The following MDH1B variants were observed in gnomAD, a reference collection of about 807,000 sequenced individuals.
MDH1B encodes the protein putative malate dehydrogenase 1B.
In MDH1B, 60 loss-of-function variants were observed where a neutral mutation model predicts 61.4. The observed-to-expected ratio is 0.98, with a 90% confidence interval of 0.79 to 1.21. The LOEUF (loss-of-function observed/expected upper bound fraction) is 1.21. Among genes scored for constraint, MDH1B ranks in the 50% most tolerant of loss-of-function variants. MDH1B has a pLI of 0.00. For synonymous variants in MDH1B, 236 were observed against 218.7 expected, an observed-to-expected ratio of 1.08 and a Z score of -0.70; for missense variants, 587 against 632.1, an observed-to-expected ratio of 0.93 and a Z score of 0.76.
chr2:206,745,475 A>T (rs1376561087), intron 9 of MDH1B, 147 bp downstream of exon 9: 3 of 681,454 alleles, frequency 4.4e-6, no homozygotes, highest in Non-Finnish European at 2.6e-6. Flanking sequence ...CAAAGGACAC[A>T]TTGAACTTAA....
chr2:206,758,537 G>C (rs551968840), intron 2 of MDH1B, among the ~76,000 whole-genome samples: 3 of 152,150 alleles, frequency 2.0e-5, no homozygotes, highest in Admixed American at 1.3e-4. Context: ...AGGCCGAGGC[G>C]GGGGGAACAT....
At chr2:206,741,152 C>G (rs1265745435) in intron 9 of MDH1B, 48 bp from the exon 10 acceptor site, 1 of 1,609,106 alleles carries the variant, frequency 6.2e-7, no homozygotes, top group Admixed American at 1.7e-5. Context: ...ATATAACCAA[C>G]AACCTAACTA....
chr2:206,759,376 G>C (rs1688962006), intron 2 of MDH1B, among the ~76,000 whole-genome samples: 1 of 152,104 alleles, frequency 6.6e-6, no homozygotes, highest in African/African-American at 2.4e-5. Context: ...TCTTTCTCCA[G>C]TCTATCATTG....
intron 7 of MDH1B, 81 bp from the exon 8 acceptor site, chr2:206,746,507 G>T: frequency 7.2e-7 from 1 of 1,380,932 alleles, no homozygotes; most frequent in South Asian, 1.5e-5. Context: ...TGTAGAAAAT[G>T]ACAGACATAG....
intron 5 of MDH1B, among the ~76,000 whole-genome samples, chr2:206,751,531 C>T (rs750712251): frequency 2.6e-5 from 4 of 152,140 alleles, no homozygotes; most frequent in Non-Finnish European, 4.4e-5. Flanking sequence ...TCATTTAACT[C>T]TCTGATGGGT....
In MDH1B at chr2:206,749,137, T is replaced by C; in HGVS notation, c.1099A>G (p.Thr367Ala). The C allele has an allele frequency of 6.2e-7, 1 of 1,614,116 alleles. No individual in the cohort carries two copies. Among genetic ancestry groups the C allele is most frequent in the South Asian group, 1.1e-5 (1 of 91,076 alleles). Residue 367 changes from threonine (T) to alanine (A), a missense_variant, in exon 7 of 12, where the codon ACC becomes GCC. By Grantham distance (58) the Thr-to-Ala change is moderately conservative. Coordinates refer to ENST00000374412, the MANE Select transcript of MDH1B (RefSeq NM_001039845.3). ...ATGCCTCCAAATTGTCTTCCTGTGGTGGTCAAGTTTTTAAGAATTGCCACA... is the reference window on the plus strand; with the variant it reads ...ATGCCTCCAAATTGTCTTCCTGTGGCGGTCAAGTTTTTAAGAATTGCCACA... ...EFVAILKNLT[T>A]TGRQFGGILA...
Position 206,741,180 on chromosome 2 carries a change from A to G in MDH1B, c.1409-76T>C. The G allele has an allele frequency of 1.9e-6, 3 of 1,586,122 alleles. No homozygotes were observed. The South Asian group carries it at 3.4e-5, about 18-fold the overall frequency. ...CCTAACTAGGTCATGAGATGTTCTGAGTCAATGTTTTTCAAACTTCAGTGA... is the reference window on the plus strand; with the variant it reads ...CCTAACTAGGTCATGAGATGTTCTGGGTCAATGTTTTTCAAACTTCAGTGA... On this transcript the variant is annotated intron_variant, in intron 9 of 11. Transcript: ENST00000374412.
chr2:206,750,078 A>G lies in MDH1B; in HGVS notation c.1052+856T>C, dbSNP rs371139555. Among the ~76,000 whole-genome samples, 8 of 152,268 alleles carry G rather than the reference A, an allele frequency of 5.3e-5. 1 individual carries two copies. In the East Asian group the frequency reaches 9.7e-4, roughly 19 times the overall value. On this transcript the variant is annotated intron_variant, in intron 6 of 11. Transcript: ENST00000374412. Reference sequence around the variant, plus strand: ...CTTCAAAATAGTGAACTCGGGACACATCATCCCTAGGCAGGGGCGAAGCTC... The same window carrying G: ...CTTCAAAATAGTGAACTCGGGACACGTCATCCCTAGGCAGGGGCGAAGCTC...
intron 8 of MDH1B, 140 bp from the exon 9 acceptor site, chr2:206,745,813 A>G (rs1282989851): frequency 3.6e-5 from 22 of 607,696 alleles, no homozygotes; most frequent in Non-Finnish European, 6.0e-5. Flanking sequence ...AGCTCACCAC[A>G]ACCTCTCCCT....
chr2:206,739,742 G>T (rs1687703878), intron 10 of MDH1B, 81 bp from the exon 11 acceptor site: 3 of 1,271,818 alleles, frequency 2.4e-6, no homozygotes, highest in Non-Finnish European at 3.4e-6. Flanking sequence ...CTTCTATCTT[G>T]TTCCTTCCAC....
chr2:206,763,392 A>G (rs1429987984), intron 1 of MDH1B, among the ~76,000 whole-genome samples: 1 of 151,578 alleles, frequency 6.6e-6, no homozygotes, highest in East Asian at 1.9e-4. Flanking sequence ...TATCTCTCCA[A>G]TCCATTCACT....
intron 7 of MDH1B, among the ~76,000 whole-genome samples, chr2:206,747,150 C>G (rs888463359): frequency 1.3e-5 from 1 of 74,646 alleles, no homozygotes; most frequent in African/African-American, 4.6e-5. Context: ...AAAAATATCA[C>G]CAGGGCAAAA....
chr2:206,747,138 A>G (rs1199738844), intron 7 of MDH1B, among the ~76,000 whole-genome samples: 1 of 123,050 alleles, frequency 8.1e-6, no homozygotes, highest in Non-Finnish European at 1.7e-5. Flanking sequence ...ATACTAGACA[A>G]CAAAAATATC....
intron 2 of MDH1B, among the ~76,000 whole-genome samples, chr2:206,758,969 T>C (rs535688507): frequency 6.6e-6 from 1 of 151,860 alleles, no homozygotes; most frequent in Admixed American, 6.5e-5. Context: ...GTTTGTTTTT[T>C]TTTTTTTTCT....
intron 1 of MDH1B, among the ~76,000 whole-genome samples, chr2:206,764,864 C>T (rs1277668027): frequency 2.6e-5 from 4 of 152,206 alleles, no homozygotes; most frequent in Non-Finnish European, 5.9e-5. Context: ...TCAGCTCACA[C>T]CTTCACAACT....
chr2:206,765,147 G>T, intron 1 of MDH1B, 103 bp downstream of exon 1: 2 of 1,401,990 alleles, frequency 1.4e-6, no homozygotes, highest in Non-Finnish European at 1.9e-6. Context: ...CTATAGCAAA[G>T]CATGGAGCGG....
In MDH1B at chr2:206,745,620, A is replaced by T; in HGVS notation, c.1408+2T>A. 6.2e-7 allele frequency: 1 copy of T among 1,609,174 alleles called. No individual in the cohort carries two copies. The highest frequency in any genetic ancestry group is 1.7e-4 in the Middle Eastern group (1 of 6,050). On this transcript the variant is annotated splice_donor_variant, in intron 9 of 11. Transcript: ENST00000374412. LOFTEE classifies it high-confidence loss of function. ...AATAAAACATCACGTCTAAGAGCTTACCTGATTGGTATGGCTGAAAATGTA... is the reference window on the plus strand; with the variant it reads ...AATAAAACATCACGTCTAAGAGCTTTCCTGATTGGTATGGCTGAAAATGTA...
intron 5 of MDH1B, 104 bp from the exon 6 acceptor site, chr2:206,751,179 G>T: frequency 1.3e-6 from 1 of 761,994 alleles, no homozygotes; most frequent in Non-Finnish European, 2.0e-6. Context: ...TTTAGGATTG[G>T]TCTTTTTGGT....
Position 206,745,423 on chromosome 2 carries a change from T to C in MDH1B, c.1408+199A>G. The C allele has an allele frequency of 2.3e-5, 15 of 663,430 alleles. 1 individual carries two copies. The highest frequency in any genetic ancestry group is 1.6e-4 in the South Asian group (10 of 62,904). 41.1% of individuals were successfully genotyped at this position (663,430 alleles called of 1,614,324 possible). Reference sequence around the variant, plus strand: ...AACATTTATAAGATCATAGTGTTCATAAGTTGTGTTTTCTTTAACATTCTT... The same window carrying C: ...AACATTTATAAGATCATAGTGTTCACAAGTTGTGTTTTCTTTAACATTCTT... On this transcript the variant is annotated intron_variant, in intron 9 of 11. Transcript: ENST00000374412.
Sources: gnomAD v4.1 joint callset for allele counts (sites outside exome capture counted in the v4.1 genomes callset) on GRCh38, gnomAD v4.1.1 for gene constraint, MANE v1.5 for transcripts, NCBI Gene and HGNC (gene_info 2026-07-23, HGNC 2026-07-21) for gene names.